Variants in HPSE2 observed in about 807,000 individuals in gnomAD.
The protein encoded by HPSE2 is heparanase 2 (inactive).
A neutral mutation model predicts 60.5 loss-of-function variants in HPSE2; 38 were observed. That is an observed-to-expected ratio of 0.63 (90% confidence interval 0.48 to 0.82). HPSE2 has a LOEUF of 0.82. Ranked by LOEUF, HPSE2 falls within the 40% of genes least tolerant of loss-of-function variation. HPSE2 has a pLI of 0.00. For missense variants in HPSE2, 713 were observed against 740.4 expected, an observed-to-expected ratio of 0.96 and a Z score of 0.43; for synonymous variants, 295 against 293.2, an observed-to-expected ratio of 1.01 and a Z score of -0.06.
intron 3 of HPSE2, among the ~76,000 whole-genome samples, chr10:98,953,939 T>C (rs1955438847): frequency 6.6e-6 from 1 of 152,198 alleles, no homozygotes; most frequent in South Asian, 2.1e-4. Flanking sequence ...CTGATTATAC[T>C]ACCAAATCTA....
At chr10:99,274,626 T>C in the HPSE2 span, among the ~76,000 whole-genome samples, 1 of 152,066 alleles carries the variant, frequency 6.6e-6, no homozygotes. Flanking sequence ...GACTGTCATA[T>C]ACGTTAAAAA....
chr10:99,295,992 A>G, the HPSE2 span, among the ~76,000 whole-genome samples: 1 of 152,220 alleles, frequency 6.6e-6, no homozygotes, highest in African/African-American at 2.4e-5. Context: ...TAGCTTCTTT[A>G]GCCTTGGCTT....
rs529446592 is a variant in HPSE2 at position 99,021,453 on chromosome 10, A to T, written c.610+122785T>A. Reference sequence around the variant, plus strand: ...TTAAATATAAATCTGATTCACTTCAAAGCTCATGTTCCTGGTCACCATATT... The same window carrying T: ...TTAAATATAAATCTGATTCACTTCATAGCTCATGTTCCTGGTCACCATATT... On this transcript the variant is annotated intron_variant, in intron 3 of 11. Transcript: ENST00000370552. 5.9e-5 allele frequency among the ~76,000 whole-genome samples: 9 copies of T among 152,334 alleles called. No homozygotes were observed. The South Asian group carries it at 1.9e-3, about 32-fold the overall frequency.
intron 2 of HPSE2, among the ~76,000 whole-genome samples, chr10:99,212,371 C>T (rs1848981236): frequency 1.3e-5 from 2 of 151,930 alleles, no homozygotes; most frequent in South Asian, 2.1e-4. Flanking sequence ...ATGTTCACTG[C>T]AACATTATTC....
chr10:98,578,686 A>C (rs887187516), intron 9 of HPSE2, among the ~76,000 whole-genome samples: 17 of 152,232 alleles, frequency 1.1e-4, no homozygotes, highest in Non-Finnish European at 2.5e-4. Flanking sequence ...AAAGCAAAGG[A>C]AAAATTGTGA....
intron 3 of HPSE2, among the ~76,000 whole-genome samples, chr10:98,791,912 C>T (rs910121986): frequency 6.6e-6 from 1 of 152,058 alleles, no homozygotes. Flanking sequence ...TTATTATCAA[C>T]GTTATTTTTC....
chr10:98,749,930 C>CTATATATATATATATATA lies in HPSE2; in HGVS notation c.611-5892_611-5875dup, dbSNP rs771032742. 1.3e-3 allele frequency among the ~76,000 whole-genome samples: 122 copies of CTATATATATATATATATA among 96,952 alleles called. 1 individual carries two copies. The highest frequency in any genetic ancestry group is 4.1e-3 in the African/African-American group (118 of 29,090). The allele number at this position is 96,952 out of a possible 152,430, so 63.6% of individuals were successfully genotyped here. ...ATATTTTATATATATATATTAAACA[C>CTATATATATATATATATA]TATATATATATATATATACACACAC... On this transcript the variant is annotated intron_variant, in intron 3 of 11. Transcript: ENST00000370552.
chr10:99,240,511 C>T (rs898834032), upstream of HPSE2, among the ~76,000 whole-genome samples: 2 of 151,090 alleles, frequency 1.3e-5, no homozygotes, highest in African/African-American at 2.4e-5. Context: ...CCCAGGTTCA[C>T]GCCATTCTCC....
intron 2 of HPSE2, among the ~76,000 whole-genome samples, chr10:99,168,052 G>A (rs1316222295): frequency 6.8e-6 from 1 of 148,060 alleles, no homozygotes; most frequent in East Asian, 2.0e-4. Flanking sequence ...TTTATCAAAT[G>A]CTTTCTCTGC....
chr10:98,719,821 C>T (rs1246882882), intron 5 of HPSE2, among the ~76,000 whole-genome samples: 2 of 151,312 alleles, frequency 1.3e-5, no homozygotes, highest in Admixed American at 6.6e-5. Flanking sequence ...ACCAACATGG[C>T]GAAACCCCAT....
chr10:98,752,354 C>T (rs1189546268), intron 3 of HPSE2, among the ~76,000 whole-genome samples: 1 of 152,094 alleles, frequency 6.6e-6, no homozygotes. Context: ...TAAAGACAGA[C>T]AAATTTGACC....
intron 3 of HPSE2, among the ~76,000 whole-genome samples, chr10:98,954,926 T>G (rs967195187): frequency 6.7e-6 from 1 of 150,308 alleles, no homozygotes; most frequent in Non-Finnish European, 1.5e-5. Context: ...GAAAGTTGAG[T>G]ATTCAATACT....
At chr10:98,646,008 C>T (rs1235629540) in intron 6 of HPSE2, among the ~76,000 whole-genome samples, 1 of 152,052 alleles carries the variant, frequency 6.6e-6, no homozygotes, top group East Asian at 1.9e-4. Context: ...CAAAGAAAAA[C>T]CCATAGGGTA....
intron 3 of HPSE2, among the ~76,000 whole-genome samples, chr10:98,782,941 G>GT (rs576508491): frequency 0.1 from 11,840 of 116,032 alleles, 2,000 homozygotes; most frequent in African/African-American, 0.32. Flanking sequence ...TTTTTTTAAT[G>GT]TTTTTTTTTT....
At chr10:98,545,671 T>C (rs1231390461) in intron 9 of HPSE2, among the ~76,000 whole-genome samples, 1 of 152,102 alleles carries the variant, frequency 6.6e-6, no homozygotes, top group African/African-American at 2.4e-5. Flanking sequence ...ATAAGAGCTA[T>C]CTATGACAAA....
intron 3 of HPSE2, among the ~76,000 whole-genome samples, chr10:99,113,100 T>C (rs916906106): frequency 6.6e-6 from 1 of 152,186 alleles, no homozygotes; most frequent in African/African-American, 2.4e-5. Context: ...GAAGTTTTTG[T>C]AAAGGATAGG....
At chr10:98,871,360 G>C (rs1952728586) in intron 3 of HPSE2, among the ~76,000 whole-genome samples, 1 of 151,902 alleles carries the variant, frequency 6.6e-6, no homozygotes, top group Non-Finnish European at 1.5e-5. Context: ...CCCTCTCATA[G>C]GGAGCAAGAC....
chr10:99,151,866 T>C (rs1406731826), intron 2 of HPSE2, among the ~76,000 whole-genome samples: 1 of 152,158 alleles, frequency 6.6e-6, no homozygotes, highest in African/African-American at 2.4e-5. Flanking sequence ...CAGTTACCTA[T>C]AACTGCACCA....
chr10:98,775,775 G>A (rs911934080), intron 3 of HPSE2, among the ~76,000 whole-genome samples: 1 of 151,980 alleles, frequency 6.6e-6, no homozygotes, highest in African/African-American at 2.4e-5. Context: ...CCAGGCCAGC[G>A]ATATCAATCA....
Sources: allele counts gnomAD v4.1 joint callset (sites outside exome capture counted in the v4.1 genomes callset), GRCh38; gene constraint gnomAD v4.1.1; transcripts MANE v1.5; gene names NCBI Gene and HGNC (gene_info 2026-07-23, HGNC 2026-07-21).